Variants in UQCC1 observed in about 807,000 individuals in gnomAD.
The protein encoded by UQCC1 is ubiquinol-cytochrome c reductase complex assembly factor 1.
UQCC1 carries 38 observed loss-of-function variants against 48.0 expected under a neutral mutation model. The ratio of observed to expected loss-of-function variants is 0.79; its 90% CI spans 0.61 to 1.04. The LOEUF is 1.04. UQCC1 is among the 50% of genes least tolerant of loss of function. The pLI is 0.00. For missense variants in UQCC1, 368 were observed against 381.8 expected (o/e 0.96, Z 0.30); for synonymous variants, 111 against 129.2 (o/e 0.86, Z 0.95).
At chr20:35,359,507 CTG>C (rs2061582464) in intron 6 of UQCC1, among the ~76,000 whole-genome samples, 1 of 152,206 alleles carries the variant, frequency 6.6e-6, no homozygotes, top group Admixed American at 6.5e-5. Context: ...CTTGTTATTC[CTG>C]ATGCTGACCT....
rs1187724764 is a variant in UQCC1, at chr20:35,371,301, AAAATAGACATT to A, written c.406+2872_406+2882del. 2.0e-5 allele frequency among the ~76,000 whole-genome samples: 3 copies of A among 152,044 alleles called. No homozygotes were observed. In the East Asian group the frequency reaches 5.8e-4, roughly 29 times the overall value. Reference sequence around the variant, plus strand: ...CTGAGTTATTTATTGAATCAAATATAAAATAGACATTAAATAGACATCTGAGGATGAGGGTT... The same window carrying A: ...CTGAGTTATTTATTGAATCAAATATAAAATAGACATCTGAGGATGAGGGTT... On this transcript the variant is annotated intron_variant, in intron 5 of 9. Coordinates refer to ENST00000374385, the MANE Select transcript of UQCC1 (RefSeq NM_018244.5).
intron 6 of UQCC1, among the ~76,000 whole-genome samples, chr20:35,349,717 G>T (rs980216971): frequency 5.3e-5 from 8 of 152,190 alleles, no homozygotes; most frequent in Non-Finnish European, 8.8e-5. Flanking sequence ...AGAGAATCAG[G>T]TCAGGCCTGG....
chr20:35,403,672 CAAT>C (rs1347574945), intron 1 of UQCC1, among the ~76,000 whole-genome samples: 3 of 152,140 alleles, frequency 2.0e-5, no homozygotes, highest in African/African-American at 7.2e-5. Context: ...AAATGCCCAA[CAAT>C]GATAGACTGG....
chr20:35,392,311 G>A, intron 2 of UQCC1: 5 of 1,302,908 alleles, frequency 3.8e-6, no homozygotes, highest in Non-Finnish European at 5.1e-6. Flanking sequence ...GTAAGTTACA[G>A]TCGATACGAC....
rs878638 is a variant in UQCC1, at chr20:35,306,445, C to T, written c.765+221G>A. ...AAGTTCCTGAGGGCAGGAGACTACT[C>T]GATGCCTCTTTCTCTCTCTCTTCCC... On this transcript the variant is annotated intron_variant, in intron 9 of 9. Transcript: ENST00000374385. The T allele has an allele frequency of 5.2e-4, 273 of 527,948 alleles. 2 individuals carry two copies. In the Admixed American group the frequency reaches 8.0e-3, roughly 16 times the overall value. The allele number at this position is 527,948 out of a possible 1,614,324, so 32.7% of individuals were successfully genotyped here. A position where few individuals can be genotyped will look rare whatever the true frequency, so the allele number is the denominator to read the frequency against.
chr20:35,404,663 T>TAAAAA (rs569653118), intron 1 of UQCC1, among the ~76,000 whole-genome samples: 11 of 48,314 alleles, frequency 2.3e-4, no homozygotes, highest in African/African-American at 6.8e-4. Flanking sequence ...ACTTAAAGTA[T>TAAAAA]AAAAAAAAAA....
At chr20:35,382,105 G>C (rs2061877223) in intron 3 of UQCC1, 80 bp from the exon 4 acceptor site, 2 of 869,548 alleles carry the variant, frequency 2.3e-6, no homozygotes, top group South Asian at 3.1e-5. Context: ...TCAGGTCTGA[G>C]AGCATTTTTT....
Position 35,374,179 on chromosome 20 carries a change from C to G in UQCC1, c.406+5G>C. ...CCTTTTCAGTACTATCAAACAATAACTTACTTAGAAAGAATTCCTCGAAGT... is the reference window on the plus strand; with the variant it reads ...CCTTTTCAGTACTATCAAACAATAAGTTACTTAGAAAGAATTCCTCGAAGT... On this transcript the variant is annotated splice_donor_5th_base_variant and intron_variant, in intron 5 of 9. Coordinates refer to ENST00000374385, the MANE Select transcript of UQCC1 (RefSeq NM_018244.5). 6.2e-7 allele frequency: 1 copy of G among 1,607,896 alleles called. No individual in the cohort carries two copies. The highest frequency in any genetic ancestry group is 1.3e-5 in the African/African-American group (1 of 74,840).
intron 6 of UQCC1, among the ~76,000 whole-genome samples, chr20:35,349,200 T>G (rs890599129): frequency 6.6e-6 from 1 of 152,158 alleles, no homozygotes; most frequent in Non-Finnish European, 1.5e-5. Flanking sequence ...GAAAACATAT[T>G]TACCAAATTT....
chr20:35,401,266 T>A (rs1016932583), intron 1 of UQCC1, among the ~76,000 whole-genome samples: 2 of 152,304 alleles, frequency 1.3e-5, no homozygotes, highest in African/African-American at 4.8e-5. Context: ...AAAATTTACC[T>A]AACAAACATA....
intron 7 of UQCC1, among the ~76,000 whole-genome samples, chr20:35,326,387 G>A (rs184065486): frequency 7.9e-5 from 12 of 152,326 alleles, no homozygotes; most frequent in Non-Finnish European, 1.6e-4. Context: ...AGTGCCAAGC[G>A]CAGACAACCA....
rs762807330 is a variant in UQCC1, at chr20:35,411,908, G to A, written c.24+32C>T. Reference sequence around the variant, plus strand: ...GTCGAACTCCAACCCGGGACCCAGAGAGCTACCGTAGAAAATTACTCCTTC... The same window carrying A: ...GTCGAACTCCAACCCGGGACCCAGAAAGCTACCGTAGAAAATTACTCCTTC... On this transcript the variant is annotated intron_variant, in intron 1 of 9. Transcript: ENST00000374385. 6.8e-6 allele frequency: 11 copies of A among 1,613,948 alleles called. No individual in the cohort carries two copies. The Admixed American group carries it at 1.5e-4, about 22-fold the overall frequency.
intron 3 of UQCC1, 133 bp from the exon 4 acceptor site, chr20:35,382,158 G>C: frequency 1.8e-6 from 1 of 559,368 alleles, no homozygotes; most frequent in Non-Finnish European, 3.2e-6. Flanking sequence ...CCAGGCTAAA[G>C]TGAAGTGGCA....
At chr20:35,318,822 A>G (rs1459581645) in intron 7 of UQCC1, among the ~76,000 whole-genome samples, 1 of 152,204 alleles carries the variant, frequency 6.6e-6, no homozygotes, top group Non-Finnish European at 1.5e-5. Flanking sequence ...CCAGCAGCCA[A>G]GGGGAGCAGG....
chr20:35,408,688 C>T (rs911473719), intron 1 of UQCC1, among the ~76,000 whole-genome samples: 2 of 149,658 alleles, frequency 1.3e-5, no homozygotes, highest in African/African-American at 4.9e-5. Context: ...CCCATCTCTA[C>T]AAAAAAGAAA....
chr20:35,366,411 A>G, intron 6 of UQCC1, 146 bp downstream of exon 6: 1 of 654,284 alleles, frequency 1.5e-6, no homozygotes. Flanking sequence ...GTGCTTCAAG[A>G]CACCAGTTAT....
At chr20:35,317,788 T>C (rs1264611756) in intron 7 of UQCC1, among the ~76,000 whole-genome samples, 1 of 152,386 alleles carries the variant, frequency 6.6e-6, no homozygotes, top group Non-Finnish European at 1.5e-5. Context: ...ACGCCATGCA[T>C]AGCATGTTCT....
intron 7 of UQCC1, among the ~76,000 whole-genome samples, chr20:35,319,359 G>A (rs1447550002): frequency 6.6e-6 from 1 of 152,138 alleles, no homozygotes; most frequent in Non-Finnish European, 1.5e-5. Context: ...TAGGAGGCTT[G>A]GCTAAATGAG....
In UQCC1 at chr20:35,323,127, G is replaced by A. The variant is rs565453502; in HGVS notation, c.574-8362C>T. On this transcript the variant is annotated intron_variant, in intron 7 of 9. Coordinates refer to ENST00000374385, the MANE Select transcript of UQCC1 (RefSeq NM_018244.5). ...CTCCCAAAGTGCTGGGATTGCAGGC[G>A]TGAGCCACCGCGCCCGGCCCCAATC... Among the ~76,000 whole-genome samples the A allele has an allele frequency of 2.6e-4, 39 of 152,286 alleles. No homozygotes were observed. In the East Asian group the frequency reaches 4.4e-3, roughly 17 times the overall value.
Sources: allele counts gnomAD v4.1 joint callset (sites outside exome capture counted in the v4.1 genomes callset), GRCh38; gene constraint gnomAD v4.1.1; transcripts MANE v1.5; gene names NCBI Gene and HGNC (gene_info 2026-07-23, HGNC 2026-07-21).